DTNB: variants seen among roughly 807,000 people sequenced by gnomAD.
The protein encoded by DTNB is DTN-B.
DTNB carries 63 observed loss-of-function variants against 90.7 expected under a neutral mutation model. The observed-to-expected ratio is 0.69, with a 90% CI of 0.57 to 0.86. The LOEUF (loss-of-function observed/expected upper bound fraction) is 0.86, where lower values mean the gene tolerates loss of function less well. DTNB is among the 40% of genes least tolerant of loss of function. The probability of loss-of-function intolerance (pLI) is 0.00; values close to 1 mark genes in which losing one functional copy is unlikely to be tolerated. For missense variants in DTNB, 744 were observed against 807.1 expected (o/e 0.92, Z 0.95); for synonymous variants, 277 against 286.7 (o/e 0.97, Z 0.34).
intron 10 of DTNB, among the ~76,000 whole-genome samples, chr2:25,461,484 G>A (rs1359374277): frequency 6.6e-6 from 1 of 152,042 alleles, no homozygotes; most frequent in East Asian, 1.9e-4. Context: ...AACAAACAAG[G>A]TTTGTTTCAG....
At chr2:25,528,317 A>AT (rs1187547013) in intron 9 of DTNB, among the ~76,000 whole-genome samples, 1 of 152,212 alleles carries the variant, frequency 6.6e-6, no homozygotes, top group Non-Finnish European at 1.5e-5. Context: ...AACATACTAA[A>AT]TGAATGCTGA....
At chr2:25,431,888 T>G (rs535298423) in intron 14 of DTNB, among the ~76,000 whole-genome samples, 1 of 152,246 alleles carries the variant, frequency 6.6e-6, no homozygotes, top group African/African-American at 2.4e-5. Context: ...CTAACTACAT[T>G]GAGAAACTAA....
At chr2:25,580,117 G>A (rs2061344464) in intron 7 of DTNB, among the ~76,000 whole-genome samples, 1 of 151,276 alleles carries the variant, frequency 6.6e-6, no homozygotes, top group Non-Finnish European at 1.5e-5. Flanking sequence ...AAGTAGCTGG[G>A]ATTGCAGGCA....
At chr2:25,510,440 C>A (rs1347875283) in intron 9 of DTNB, among the ~76,000 whole-genome samples, 1 of 151,626 alleles carries the variant, frequency 6.6e-6, no homozygotes. Flanking sequence ...TTTTTTCTTA[C>A]GTGAGTTCAA....
chr2:25,541,561 C>G (rs1339872208), intron 8 of DTNB, among the ~76,000 whole-genome samples: 1 of 152,104 alleles, frequency 6.6e-6, no homozygotes, highest in South Asian at 2.1e-4. Flanking sequence ...CACGTATATT[C>G]ATGTTGTTGC....
intron 9 of DTNB, among the ~76,000 whole-genome samples, chr2:25,503,043 G>A (rs1259776904): frequency 2.3e-5 from 2 of 87,572 alleles, no homozygotes; most frequent in East Asian, 3.9e-4. Context: ...GACAGAGCAA[G>A]ACCCTATCTC....
At chr2:25,449,641 C>G (rs1022004113) in intron 12 of DTNB, among the ~76,000 whole-genome samples, 3 of 152,062 alleles carry the variant, frequency 2.0e-5, no homozygotes, top group Admixed American at 2.0e-4. Context: ...AAGTCTTTTG[C>G]TCATTTTTTA....
At chr2:25,500,468 T>C (rs930672235) in intron 9 of DTNB, among the ~76,000 whole-genome samples, 5 of 152,170 alleles carry the variant, frequency 3.3e-5, no homozygotes, top group African/African-American at 1.2e-4. Context: ...GTTCAATCAT[T>C]CTTAGCATCT....
At chr2:25,482,979 T>G in intron 9 of DTNB, 106 bp from the exon 10 acceptor site, 1 of 1,150,172 alleles carries the variant, frequency 8.7e-7, no homozygotes, top group Non-Finnish European at 1.2e-6. Flanking sequence ...TCATTCGCGG[T>G]AAGCACAGAC....
intron 4 of DTNB, among the ~76,000 whole-genome samples, chr2:25,610,374 TA>T (rs2068270786): frequency 6.6e-6 from 1 of 152,172 alleles, no homozygotes; most frequent in Non-Finnish European, 1.5e-5. Context: ...ATGATCACTT[TA>T]AAGAGAGAGA....
chr2:25,443,723 G>A (rs2057938447), intron 12 of DTNB, among the ~76,000 whole-genome samples: 1 of 152,226 alleles, frequency 6.6e-6, no homozygotes, highest in South Asian at 2.1e-4. Context: ...AAATCAGAAG[G>A]CTGGGAGTTT....
intron 10 of DTNB, among the ~76,000 whole-genome samples, chr2:25,456,816 C>A (rs1228016652): frequency 6.6e-6 from 1 of 151,980 alleles, no homozygotes; most frequent in Non-Finnish European, 1.5e-5. Context: ...GATCTCCCTG[C>A]CTCAGCTTCT....
chr2:25,588,879 T>C (rs2062966419), intron 6 of DTNB, among the ~76,000 whole-genome samples: 1 of 152,166 alleles, frequency 6.6e-6, no homozygotes, highest in Non-Finnish European at 1.5e-5. Context: ...TTCAAATCAA[T>C]GAAACACTAC....
At chr2:25,383,696 A>G in intron 19 of DTNB, 140 bp downstream of exon 19, 3 of 1,541,604 alleles carry the variant, frequency 1.9e-6, no homozygotes, top group Admixed American at 4.0e-5. Flanking sequence ...TCAGATGGGA[A>G]AAGTAGGTAC....
At chr2:25,446,720 A>G (rs576216470) in intron 12 of DTNB, among the ~76,000 whole-genome samples, 5 of 152,188 alleles carry the variant, frequency 3.3e-5, no homozygotes, top group Admixed American at 6.5e-5. Flanking sequence ...CTAGTTGTAG[A>G]ATTATTTTTA....
At chr2:25,505,182 C>A (rs1375258140) in intron 9 of DTNB, among the ~76,000 whole-genome samples, 1 of 152,168 alleles carries the variant, frequency 6.6e-6, no homozygotes, top group African/African-American at 2.4e-5. Flanking sequence ...CTGCTATGAG[C>A]TCACTCCACA....
At chr2:25,600,591 C>T (rs940456168) in intron 5 of DTNB, among the ~76,000 whole-genome samples, 4 of 152,204 alleles carry the variant, frequency 2.6e-5, no homozygotes, top group African/African-American at 9.6e-5. Flanking sequence ...TCTATCGCCA[C>T]TCTGTGTATT....
intron 8 of DTNB, among the ~76,000 whole-genome samples, chr2:25,551,905 GT>G (rs2056351529): frequency 6.6e-6 from 1 of 152,166 alleles, no homozygotes; most frequent in African/African-American, 2.4e-5. Context: ...ATACTTCTCT[GT>G]TCTAGCTTCC....
intron 5 of DTNB, 38 bp from the exon 6 acceptor site, chr2:25,596,278 A>G: frequency 1.9e-6 from 3 of 1,551,176 alleles, no homozygotes; most frequent in Non-Finnish European, 2.6e-6. Context: ...AGCTATAAGG[A>G]AATATCAGCT....
Sources: allele counts gnomAD v4.1 joint callset (sites outside exome capture counted in the v4.1 genomes callset), GRCh38; gene constraint gnomAD v4.1.1; transcripts MANE v1.5; gene names NCBI Gene and HGNC (gene_info 2026-07-23, HGNC 2026-07-21).